The following IFT140 variants were observed in gnomAD, a reference collection of about 807,000 sequenced individuals.
The protein encoded by IFT140 is intraflagellar transport protein 140 homolog.
Under a neutral mutation model 164.6 loss-of-function variants are expected in IFT140, and 133 were observed. The observed-to-expected ratio is 0.81, with a 90% CI of 0.70 to 0.93. The LOEUF (loss-of-function observed/expected upper bound fraction) is 0.93, where lower values mean the gene tolerates loss of function less well. Among genes scored for constraint, IFT140 ranks in the 40% least tolerant of loss-of-function variants. IFT140 has a pLI of 0.00. For missense variants in IFT140, 2,045 were observed against 1,972.3 expected, an observed-to-expected ratio of 1.04 and a Z score of -0.70; for synonymous variants, 860 against 817.3, an observed-to-expected ratio of 1.05 and a Z score of -0.89.
rs184405274 is a variant in IFT140 at position 1,510,709 on chromosome 16, G to T, written c.*235C>A. On this transcript the variant is annotated 3_prime_UTR_variant, in exon 31 of 31. Transcript: ENST00000426508. ...TGAACCCGACTCCCTTCAAAGGAAT[G>T]AATCCAAAAATCTAGTGGAGCTGCC... 555 of 593,242 alleles carry T rather than the reference G, an allele frequency of 9.4e-4. 9 individuals are homozygous for T. In the East Asian group the frequency reaches 0.015, roughly 16 times the overall value. The allele number at this position is 593,242 out of a possible 1,614,324, so 36.7% of individuals were successfully genotyped here.
chr16:1,580,647 T>C, intron 13 of IFT140, 112 bp downstream of exon 13: 1 of 714,174 alleles, frequency 1.4e-6, no homozygotes, highest in Non-Finnish European at 2.5e-6. Flanking sequence ...CTTTACACAG[T>C]GTGAGAAAGG....
At chr16:1,587,591 CA>C (rs965483422) in intron 8 of IFT140, among the ~76,000 whole-genome samples, 3 of 152,242 alleles carry the variant, frequency 2.0e-5, no homozygotes, top group Non-Finnish European at 2.9e-5. Context: ...CCGGACAGCA[CA>C]CTGAGCTAAC....
intron 19 of IFT140, 44 bp from the exon 20 acceptor site, chr16:1,526,840 A>C (rs1188868893): frequency 6.4e-7 from 1 of 1,569,106 alleles, no homozygotes; most frequent in East Asian, 2.3e-5. Context: ...CCAGCACCTC[A>C]GGGCCCCCTG....
intron 3 of IFT140, among the ~76,000 whole-genome samples, chr16:1,604,255 C>T (rs928194883): frequency 1.5e-5 from 2 of 134,162 alleles, no homozygotes; most frequent in African/African-American, 6.3e-5. Flanking sequence ...CTGACCAGCG[C>T]TGCATCGCGC....
intron 12 of IFT140, among the ~76,000 whole-genome samples, chr16:1,582,119 G>A (rs917916429): frequency 8.5e-5 from 13 of 152,164 alleles, no homozygotes; most frequent in African/African-American, 3.1e-4. Context: ...GCACATCCTG[G>A]TGGCGGGGCC....
chr16:1,566,073 G>A (rs939399000), intron 16 of IFT140, 88 bp downstream of exon 16: 25 of 1,340,798 alleles, frequency 1.9e-5, no homozygotes, highest in East Asian at 2.4e-5. Flanking sequence ...TTTTGAAGGC[G>A]CGTTAACTTA....
intron 13 of IFT140, chr16:1,580,462 G>A (rs971172565): frequency 1.1e-5 from 3 of 272,690 alleles, no homozygotes; most frequent in Non-Finnish European, 2.1e-5. Context: ...GGCCCCTCCC[G>A]CTTCGCTCTC....
chr16:1,514,165 G>GT (rs2040274033), intron 30 of IFT140: 2 of 150,846 alleles, frequency 1.3e-5, no homozygotes, highest in Non-Finnish European at 3.0e-5. Flanking sequence ...TCAGGAGATC[G>GT]AGACCATCCT....
intron 19 of IFT140, among the ~76,000 whole-genome samples, chr16:1,529,526 C>G (rs909201814): frequency 6.6e-6 from 1 of 152,212 alleles, no homozygotes; most frequent in Non-Finnish European, 1.5e-5. Context: ...CTCCGATTCG[C>G]GCTCCTCAGT....
At chr16:1,527,063 GCTC>G (rs1432397539) in intron 19 of IFT140, 4 of 464,452 alleles carry the variant, frequency 8.6e-6, no homozygotes, top group East Asian at 6.6e-5. Context: ...AGATCACCAG[GCTC>G]CTCCTCCTTT....
chr16:1,557,242 G>A (rs1462823694), intron 19 of IFT140, among the ~76,000 whole-genome samples: 8 of 152,186 alleles, frequency 5.3e-5, no homozygotes, highest in Admixed American at 4.6e-4. Context: ...TGTGCAAACC[G>A]GAAAGAGCTC....
intron 13 of IFT140, chr16:1,580,444 T>G (rs1356691017): frequency 4.1e-6 from 1 of 242,904 alleles, no homozygotes; most frequent in Non-Finnish European, 8.1e-6. Context: ...TCTGGCTGTT[T>G]AGAGTGTGGC....
chr16:1,530,133 CTTT>C (rs922819138), intron 19 of IFT140, among the ~76,000 whole-genome samples: 22 of 88,574 alleles, frequency 2.5e-4, no homozygotes, highest in African/African-American at 1.0e-3. Context: ...CGACGGGAAT[CTTT>C]TTTTTTTTTT....
At chr16:1,561,820 T>A (rs2033423486) in intron 18 of IFT140, among the ~76,000 whole-genome samples, 165 bp downstream of exon 18, 1 of 152,164 alleles carries the variant, frequency 6.6e-6, no homozygotes, top group Non-Finnish European at 1.5e-5. Flanking sequence ...TGCTGGAATT[T>A]CAGGCGACAA....
chr16:1,580,761 G>T lies in IFT140; in HGVS notation c.1522C>A (p.Gln508Lys). 2 of 1,610,584 alleles carry T rather than the reference G, an allele frequency of 1.2e-6. No individual in the cohort carries two copies. Among genetic ancestry groups the T allele is most frequent in the Non-Finnish European group, 1.7e-6 (2 of 1,176,782 alleles). The change falls in exon 13 of 31, where the codon CAG becomes AAG. Residue 508 changes from glutamine to lysine, a missense_variant and splice_region_variant. Coordinates refer to ENST00000426508, the MANE Select transcript of IFT140 (RefSeq NM_014714.4). ...ESNRVQVRTW[Q>K]GTVKQLLLFS... ...CTTGCAGTGGAGCAGCAACTTACCT[G>T]CCAGGTTCGAACTTGAACTCGGTTT...
chr16:1,571,745 G>T (rs1471709575), intron 13 of IFT140, among the ~76,000 whole-genome samples: 1 of 152,234 alleles, frequency 6.6e-6, no homozygotes, highest in African/African-American at 2.4e-5. Flanking sequence ...TAGTGCTGCG[G>T]GGGAAGGACG....
intron 19 of IFT140, among the ~76,000 whole-genome samples, chr16:1,545,124 G>A (rs114794466): frequency 0.021 from 3,166 of 152,350 alleles, 109 homozygotes; most frequent in African/African-American, 0.071. Context: ...GCACCCTGAT[G>A]GACTAAACCG....
chr16:1,511,428 C>T (rs2040150716), intron 30 of IFT140, among the ~76,000 whole-genome samples: 1 of 152,204 alleles, frequency 6.6e-6, no homozygotes, highest in Non-Finnish European at 1.5e-5. Context: ...CTGGAAAGTC[C>T]CTCAGCAGCT....
intron 18 of IFT140, among the ~76,000 whole-genome samples, chr16:1,559,668 C>T (rs1463507788): frequency 6.6e-6 from 1 of 152,254 alleles, no homozygotes; most frequent in Non-Finnish European, 1.5e-5. Flanking sequence ...GCCATGACCA[C>T]AGCTGGCTCC....
Sources: gnomAD v4.1 joint callset for allele counts (sites outside exome capture counted in the v4.1 genomes callset) on GRCh38, gnomAD v4.1.1 for gene constraint, MANE v1.5 for transcripts, NCBI Gene and HGNC (gene_info 2026-07-23, HGNC 2026-07-21) for gene names.